CPNE7: variants seen among roughly 807,000 people sequenced by gnomAD.
The protein encoded by CPNE7 is copine-7.
A neutral mutation model predicts 66.5 loss-of-function variants in CPNE7; 78 were observed. That is an observed-to-expected ratio of 1.17 (90% confidence interval 0.98 to 1.42). The LOEUF (loss-of-function observed/expected upper bound fraction) is 1.42. Among genes scored for constraint, CPNE7 ranks in the 40% most tolerant of loss-of-function variants. The pLI, the probability that CPNE7 is intolerant of heterozygous loss-of-function variation, is 0.00. For synonymous variants in CPNE7, 468 were observed against 336.7 expected, an observed-to-expected ratio of 1.39 and a Z score of -4.27; for missense variants, 1,012 against 776.6, an observed-to-expected ratio of 1.30 and a Z score of -3.60.
intron 9 of CPNE7, among the ~76,000 whole-genome samples, chr16:89,587,887 G>GCGTGTCACCCACAGATACACGGCCCC (rs2059098079): frequency 7.2e-5 from 3 of 41,674 alleles, no homozygotes; most frequent in Non-Finnish European, 9.5e-5. Flanking sequence ...CGTGTCACCC[G>GCGTGTCACCCACAGATACACGGCCCC]CGTGTCACCC....
chr16:89,594,436 C>G (rs1309470876), intron 13 of CPNE7, among the ~76,000 whole-genome samples: 3 of 151,996 alleles, frequency 2.0e-5, no homozygotes, highest in Non-Finnish European at 2.9e-5. Context: ...TCCTGGGGCC[C>G]CTGTTCGTTT....
At chr16:89,588,263 C>T (rs2059115300) in intron 9 of CPNE7, among the ~76,000 whole-genome samples, 1 of 151,604 alleles carries the variant, frequency 6.6e-6, no homozygotes, top group Non-Finnish European at 1.5e-5. Flanking sequence ...TGCAGATGCG[C>T]TGGTTCGTGT....
Position 89,584,202 on chromosome 16 carries a change from C to A in CPNE7, c.507+100C>A. On this transcript the variant is annotated intron_variant, in intron 4 of 14. Coordinates refer to ENST00000319518, the MANE Select transcript of CPNE7 (RefSeq NM_153636.3). The surrounding 1 kb of genome is among the most constrained non-coding windows in gnomAD (Gnocchi z 6.0). ...GCGCTGACCTCGCGTGGCTATGTCC[C>A]GTGTGAGACGTGTGCGGAGTGTGCC... The A allele has an allele frequency of 8.6e-7, 1 of 1,167,926 alleles. No individual in the cohort carries two copies. 72.3% of individuals were successfully genotyped at this position (1,167,926 alleles called of 1,614,324 possible).
chr16:89,590,018 G>A, intron 11 of CPNE7, 67 bp downstream of exon 11: 1 of 1,576,362 alleles, frequency 6.3e-7, no homozygotes, highest in Non-Finnish European at 8.7e-7. Context: ...GCAGAGGACG[G>A]CCTGGCCCAG....
At position 89,596,930 on chromosome 16, in the gene CPNE7, A is replaced by C; in HGVS notation, c.*309A>C. 1 of 264,084 alleles carries C rather than the reference A, an allele frequency of 3.8e-6. No homozygotes were observed. The highest frequency in any genetic ancestry group is 7.5e-5 in the East Asian group (1 of 13,378). 16.4% of individuals were successfully genotyped at this position (264,084 alleles called of 1,614,324 possible). A position where few individuals can be genotyped will look rare whatever the true frequency, so the allele number is the denominator to read the frequency against. On this transcript the variant is annotated 3_prime_UTR_variant, in exon 15 of 15. Transcript: ENST00000319518. ...CACGGGAGACCCTGCCCCGATGAGA[A>C]GGGGCAGGGACTGGGGGCTCTGCTT... is the stretch of plus-strand genomic sequence containing the variant.
Position 89,576,070 on chromosome 16 carries a change from A to G in CPNE7, c.173A>G (p.Gln58Arg). ...LLQQAQGQWV[Q>R]VGRTEVVRSS... ...CAGCAGGCGCAGGGCCAGTGGGTGC[A>G]GGTAGGGCCGGGGCGTGGGAGGCCG... The change falls in exon 1 of 15, where the codon CAG (glutamine) becomes CGG (arginine). Residue 58 changes from glutamine (Q) to arginine (R), a missense_variant and splice_region_variant. Coordinates refer to ENST00000319518, the MANE Select transcript of CPNE7 (RefSeq NM_153636.3). 1 of 1,278,300 alleles carries G rather than the reference A, an allele frequency of 7.8e-7. No homozygotes were observed. Among genetic ancestry groups the G allele is most frequent in the Non-Finnish European group, 9.9e-7 (1 of 1,012,132 alleles). 79.2% of individuals were successfully genotyped at this position (1,278,300 alleles called of 1,614,324 possible). A position where few individuals can be genotyped will look rare whatever the true frequency, so the allele number is the denominator to read the frequency against.
In CPNE7 at chr16:89,585,765, A is replaced by G; in HGVS notation, c.760A>G (p.Lys254Glu). 7.2e-7 allele frequency: 1 copy of G among 1,397,640 alleles called. No individual in the cohort carries two copies. The highest frequency in any genetic ancestry group is 9.5e-7 in the Non-Finnish European group (1 of 1,055,132). 86.6% of individuals were successfully genotyped at this position (1,397,640 alleles called of 1,614,324 possible). A position where few individuals can be genotyped will look rare whatever the true frequency, so the allele number is the denominator to read the frequency against. Residue 254 changes from lysine to glutamate, a missense_variant, in exon 7 of 15, where the codon AAG (lysine) becomes GAG (glutamate). By Grantham distance (56) the Lys-to-Glu change is moderately conservative. Transcript: ENST00000319518. ...CTCTACCACCTTCGAGGAGATGCAG[A>G]AGGCCTTTGAGGAGGGGCAGGTGAG... Reference protein sequence around the residue: ...EFSTTFEEMQKAFEEGQAQWD... With the variant: ...EFSTTFEEMQEAFEEGQAQWD...
At chr16:89,594,367 G>C (rs1039785275) in intron 13 of CPNE7, among the ~76,000 whole-genome samples, 1 of 152,266 alleles carries the variant, frequency 6.6e-6, no homozygotes, top group Non-Finnish European at 1.5e-5. Flanking sequence ...GGCTCAGAGA[G>C]GGGGAGATGG....
Position 89,580,385 on chromosome 16 carries a change from T to C in CPNE7, c.357+2664T>C, listed in dbSNP as rs868517657. ...ACGGAACATCCCATCACCCGTCACA[T>C]GGAACATCCCATCACCCGTCACACG... On this transcript the variant is annotated intron_variant, in intron 2 of 14. Coordinates refer to ENST00000319518, the MANE Select transcript of CPNE7 (RefSeq NM_153636.3). 2.4e-3 allele frequency among the ~76,000 whole-genome samples: 190 copies of C among 78,640 alleles called. 4 individuals carry two copies. Among genetic ancestry groups the C allele is most frequent in the African/African-American group, 7.5e-3 (147 of 19,668 alleles). The allele number at this position is 78,640 out of a possible 152,430, so 51.6% of individuals were successfully genotyped here.
At chr16:89,576,321 G>C (rs2058858986) in intron 1 of CPNE7, among the ~76,000 whole-genome samples, 1 of 152,038 alleles carries the variant, frequency 6.6e-6, no homozygotes, top group Non-Finnish European at 1.5e-5. Flanking sequence ...GGGGTGCCCC[G>C]CAGTGAGGGG....
intron 11 of CPNE7, 146 bp from the exon 12 acceptor site, chr16:89,590,861 G>A: frequency 1.4e-6 from 1 of 709,082 alleles, no homozygotes; most frequent in South Asian, 1.7e-5. Context: ...TCTTTAGTAG[G>A]CGGGGGACAT....
At chr16:89,578,206 A>T (rs1453278155) in intron 2 of CPNE7, among the ~76,000 whole-genome samples, 1 of 151,602 alleles carries the variant, frequency 6.6e-6, no homozygotes, top group Non-Finnish European at 1.5e-5. Flanking sequence ...CTGGGATTAC[A>T]GGCACCCGCC....
rs558324988 is a variant in CPNE7 at position 89,575,888 on chromosome 16, C to T, written c.-10C>T. On this transcript the variant is annotated 5_prime_UTR_variant, in exon 1 of 15. In the 5' UTR this introduces an upstream ATG that the reference lacks. Coordinates refer to ENST00000319518, the MANE Select transcript of CPNE7 (RefSeq NM_153636.3). The stretch of plus-strand genomic sequence containing the variant: ...CAGTGCGCCCAGCCGGGCCCCCGAA[C>T]GCCGGGAGCATGAGCGCGGGCTCGG... 4 of 1,213,368 alleles carry T rather than the reference C, an allele frequency of 3.3e-6. No individual in the cohort carries two copies. Among genetic ancestry groups the T allele is most frequent in the East Asian group, 6.7e-5 (2 of 29,804 alleles). The allele number at this position is 1,213,368 out of a possible 1,614,324, so 75.2% of individuals were successfully genotyped here.
intron 3 of CPNE7, 70 bp from the exon 4 acceptor site, chr16:89,583,958 G>T: frequency 6.4e-7 from 1 of 1,572,644 alleles, no homozygotes; most frequent in Middle Eastern, 1.8e-4. Flanking sequence ...CCAGCCTGGG[G>T]CCTCTGGTCC....
In CPNE7 at chr16:89,591,173, C is replaced by G; in HGVS notation, c.1215C>G (p.Val405=). The change falls in exon 13 of 15, where the codon GTC becomes GTG. Residue 405 remains valine, a synonymous_variant. Transcript: ENST00000319518. ...CCTACCAGAACTGCCTGCCCAGGGTCCAGCTCTACGGCCCCACCAACGTGG... is the reference window on the plus strand; with the variant it reads ...CCTACCAGAACTGCCTGCCCAGGGTGCAGCTCTACGGCCCCACCAACGTGG... ...VEAYQNCLPR[V]QLYGPTNVAP... The G allele has an allele frequency of 3.1e-6, 5 of 1,605,608 alleles. No individual in the cohort carries two copies. The highest frequency in any genetic ancestry group is 1.7e-5 in the Admixed American group (1 of 58,408).
At chr16:89,595,314 G>T (rs1247254248) in intron 13 of CPNE7, 53 bp from the exon 14 acceptor site, 4 of 1,447,676 alleles carry the variant, frequency 2.8e-6, no homozygotes, top group Non-Finnish European at 3.8e-6. Flanking sequence ...GTTGCAGGGC[G>T]CATGTGGGCC....
At chr16:89,579,028 C>T (rs988337459) in intron 2 of CPNE7, 12 of 1,528,612 alleles carry the variant, frequency 7.9e-6, no homozygotes, top group African/African-American at 5.5e-5. Flanking sequence ...CGGTGGCTCA[C>T]GCCTGTAATC....
Position 89,596,873 on chromosome 16 carries a change from A to G in CPNE7, c.*252A>G, listed in dbSNP as rs2059265165. The G allele has an allele frequency of 2.4e-6, 1 of 413,924 alleles. No individual in the cohort carries two copies. Among genetic ancestry groups the G allele is most frequent in the Non-Finnish European group, 4.2e-6 (1 of 236,604 alleles). 25.6% of individuals were successfully genotyped at this position (413,924 alleles called of 1,614,324 possible). On this transcript the variant is annotated 3_prime_UTR_variant, in exon 15 of 15. Coordinates refer to ENST00000319518, the MANE Select transcript of CPNE7 (RefSeq NM_153636.3). ...CCAGGTGGGTGGAGGGAGGGAGATC[A>G]TGAGGGACTTGGAGGGAGCTGGGAG...
intron 13 of CPNE7, among the ~76,000 whole-genome samples, chr16:89,594,855 T>C (rs1371277019): frequency 6.6e-6 from 1 of 151,934 alleles, no homozygotes; most frequent in Non-Finnish European, 1.5e-5. Context: ...TTTCACCATT[T>C]TGGCCAGGCT....
Sources: gnomAD v4.1 joint callset for allele counts (sites outside exome capture counted in the v4.1 genomes callset) on GRCh38, gnomAD v4.1.1 for gene constraint, Gnocchi (gnomAD v3.1) non-coding constraint, MANE v1.5 for transcripts, NCBI Gene and HGNC (gene_info 2026-07-23, HGNC 2026-07-21) for gene names.